The following PACRG variants were observed in gnomAD, a reference collection of about 807,000 sequenced individuals.
PACRG encodes parkin coregulated gene protein.
In PACRG, 29 loss-of-function variants were observed where a neutral mutation model predicts 29.7. The observed-to-expected ratio is 0.98, with a 90% CI of 0.73 to 1.33. PACRG has a LOEUF of 1.33. Ranked by LOEUF, PACRG falls within the 40% of genes most tolerant of loss-of-function variation. The pLI is 0.00. For synonymous variants in PACRG, 116 were observed against 118.7 expected, an observed-to-expected ratio of 0.98 and a Z score of 0.15; for missense variants, 279 against 316.2, an observed-to-expected ratio of 0.88 and a Z score of 0.89.
At chr6:163,214,893 T>A (rs550319720) in intron 4 of PACRG, among the ~76,000 whole-genome samples, 1 of 152,324 alleles carries the variant, frequency 6.6e-6, no homozygotes, top group East Asian at 1.9e-4. Context: ...TCATTAAGCT[T>A]CATGCTGGCT....
chr6:163,270,768 A>G (rs1783794810), intron 4 of PACRG, among the ~76,000 whole-genome samples: 1 of 152,224 alleles, frequency 6.6e-6, no homozygotes, highest in South Asian at 2.1e-4. Context: ...CATAAAAATG[A>G]AAAGATTCTG....
At chr6:163,011,765 T>C (rs908951880) in intron 2 of PACRG, among the ~76,000 whole-genome samples, 3 of 152,230 alleles carry the variant, frequency 2.0e-5, no homozygotes, top group Non-Finnish European at 4.4e-5. Context: ...TTTCTTTACA[T>C]CCTTATTCTA....
At chr6:162,809,609 G>T (rs886422860) in intron 1 of PACRG, among the ~76,000 whole-genome samples, 13 of 152,248 alleles carry the variant, frequency 8.5e-5, no homozygotes, top group African/African-American at 3.1e-4. Flanking sequence ...CTGAGAATCA[G>T]AAAGATTGGA....
intron 2 of PACRG, among the ~76,000 whole-genome samples, chr6:162,895,271 CAAAAAA>C (rs35275122): frequency 1.1e-5 from 1 of 93,582 alleles, no homozygotes; most frequent in African/African-American, 3.9e-5. Flanking sequence ...CCCTCTCTCT[CAAAAAA>C]AAAAAAAAAA....
At chr6:163,105,738 C>A (rs1170045449) in intron 4 of PACRG, among the ~76,000 whole-genome samples, 4 of 152,066 alleles carry the variant, frequency 2.6e-5, no homozygotes, top group Non-Finnish European at 5.9e-5. Flanking sequence ...TAATATCCAA[C>A]ATTGTGACGT....
intron 4 of PACRG, among the ~76,000 whole-genome samples, chr6:163,116,630 C>CAAGT (rs150127231): frequency 0.024 from 3,642 of 152,154 alleles, 155 homozygotes; most frequent in African/African-American, 0.083. Flanking sequence ...TTGAAAGAAA[C>CAAGT]GAGTGTAGAT....
At chr6:162,973,601 GT>G in intron 2 of PACRG, among the ~76,000 whole-genome samples, 1 of 152,050 alleles carries the variant, frequency 6.6e-6, no homozygotes, top group Non-Finnish European at 1.5e-5. Flanking sequence ...CCTTCTACCA[GT>G]TTTTTCTCCC....
intron 3 of PACRG, among the ~76,000 whole-genome samples, chr6:163,085,375 C>A (rs1813461905): frequency 6.6e-6 from 1 of 152,048 alleles, no homozygotes; most frequent in Non-Finnish European, 1.5e-5. Flanking sequence ...AGAAAGAAAC[C>A]CAGGATCTCA....
At chr6:162,958,918 G>A (rs1046586117) in intron 2 of PACRG, among the ~76,000 whole-genome samples, 2 of 134,886 alleles carry the variant, frequency 1.5e-5, no homozygotes, top group African/African-American at 5.6e-5. Flanking sequence ...GAGAGAGAGA[G>A]AGAGAGAGAG....
chr6:163,035,442 A>C (rs949003154), intron 2 of PACRG, among the ~76,000 whole-genome samples: 2 of 151,806 alleles, frequency 1.3e-5, no homozygotes, highest in Non-Finnish European at 2.9e-5. Context: ...AGGTCAGGAG[A>C]TCGAGATCAG....
chr6:162,870,095 G>T (rs1792672461), intron 2 of PACRG, among the ~76,000 whole-genome samples: 1 of 152,190 alleles, frequency 6.6e-6, no homozygotes, highest in South Asian at 2.1e-4. Context: ...ATTCCTGGGA[G>T]CCCCTCCTGG....
chr6:162,747,325 CATATATATATATATATATATATATAT>C lies in PACRG; in HGVS notation c.156+18948_156+18973del, dbSNP rs1190146053. Among the ~76,000 whole-genome samples, 3 of 33,230 alleles carry C rather than the reference CATATATATATATATATATATATATAT, an allele frequency of 9.0e-5. No homozygotes were observed. The South Asian group carries it at 4.5e-3, about 50-fold the overall frequency. 21.8% of individuals were successfully genotyped at this position (33,230 alleles called of 152,430 possible). On this transcript the variant is annotated intron_variant, in intron 1 of 4. Transcript: ENST00000366888. ...GGAACTCAGACTGGCTCTCCTTGCT[CATATATATATATATATATATATATAT>C]ATATATATATATACACATACATATA... is the stretch of plus-strand genomic sequence containing the variant.
intron 4 of PACRG, among the ~76,000 whole-genome samples, chr6:163,178,844 A>G (rs1779512461): frequency 6.6e-6 from 1 of 152,196 alleles, no homozygotes; most frequent in Non-Finnish European, 1.5e-5. Context: ...ACTGATGGTC[A>G]TGGAATTCAG....
intron 4 of PACRG, among the ~76,000 whole-genome samples, chr6:163,261,786 A>G (rs1186511441): frequency 6.6e-6 from 1 of 152,162 alleles, no homozygotes; most frequent in Non-Finnish European, 1.5e-5. Flanking sequence ...ATAGCCTTAC[A>G]TTGTGTTAGA....
At chr6:162,786,227 C>T (rs1784457044) in intron 1 of PACRG, among the ~76,000 whole-genome samples, 1 of 152,144 alleles carries the variant, frequency 6.6e-6, no homozygotes, top group Non-Finnish European at 1.5e-5. Context: ...ATAAACAGTG[C>T]CTGGGTGGGA....
chr6:162,916,923 G>C (rs949978774), intron 2 of PACRG, among the ~76,000 whole-genome samples: 8 of 152,082 alleles, frequency 5.3e-5, no homozygotes, highest in Non-Finnish European at 1.2e-4. Context: ...GGCACTCCCA[G>C]CCAAACTTAC....
In PACRG at chr6:163,045,767, C is replaced by T. The variant is rs544556565; in HGVS notation, c.292-16383C>T. ...CCTCCCGAGTAGCTGGGACTACAGG[C>T]GTGCGCTACCACGCCTTTTTGTATT... On this transcript the variant is annotated intron_variant, in intron 2 of 4. Transcript: ENST00000366888. Among the ~76,000 whole-genome samples the T allele has an allele frequency of 1.9e-4, 29 of 151,866 alleles. No homozygotes were observed. The Middle Eastern group carries it at 0.01, about 55-fold the overall frequency.
At chr6:162,989,983 G>A (rs1321606755) in intron 2 of PACRG, among the ~76,000 whole-genome samples, 3 of 150,928 alleles carry the variant, frequency 2.0e-5, no homozygotes, top group Non-Finnish European at 3.0e-5. Flanking sequence ...GTGAGAATAT[G>A]CGGTGTTTGG....
intron 3 of PACRG, among the ~76,000 whole-genome samples, chr6:163,070,007 A>T (rs1267077051): frequency 6.6e-6 from 1 of 152,156 alleles, no homozygotes; most frequent in Non-Finnish European, 1.5e-5. Context: ...AGAGGGTGTC[A>T]TGACATATTT....
Sources: gnomAD v4.1 joint callset for allele counts (sites outside exome capture counted in the v4.1 genomes callset) on GRCh38, gnomAD v4.1.1 for gene constraint, MANE v1.5 for transcripts, NCBI Gene and HGNC (gene_info 2026-07-23, HGNC 2026-07-21) for gene names.